The following DOCK7 variants were observed in gnomAD, a reference collection of about 807,000 sequenced individuals.
DOCK7 encodes dedicator of cytokinesis 7, also known as dedicator of cytokinesis protein 7.
DOCK7 carries 138 observed loss-of-function variants against 271.0 expected under a neutral mutation model. The observed-to-expected ratio is 0.51, with a 90% confidence interval of 0.44 to 0.59. DOCK7 has a LOEUF of 0.59. DOCK7 is among the 20% of genes least tolerant of loss of function. The probability of loss-of-function intolerance (pLI) is 0.00; values close to 1 mark genes in which losing one functional copy is unlikely to be tolerated. For missense variants in DOCK7, 2,066 were observed against 2,592.4 expected (o/e 0.80, Z 4.41); for synonymous variants, 823 against 876.1 (o/e 0.94, Z 1.07).
chr1:62,519,431 T>C (rs1049523977), intron 31 of DOCK7, among the ~76,000 whole-genome samples: 10 of 152,184 alleles, frequency 6.6e-5, no homozygotes, highest in African/African-American at 1.9e-4. Flanking sequence ...TCATTTAATT[T>C]GGCCAAAATC....
intron 11 of DOCK7, among the ~76,000 whole-genome samples, chr1:62,627,073 G>C (rs1654043139): frequency 6.6e-6 from 1 of 152,066 alleles, no homozygotes; most frequent in African/African-American, 2.4e-5. Flanking sequence ...AGGAATTTAA[G>C]GTTAATTTAA....
intron 14 of DOCK7, among the ~76,000 whole-genome samples, chr1:62,600,773 A>T (rs566430516): frequency 1.9e-4 from 29 of 151,976 alleles, no homozygotes; most frequent in African/African-American, 7.0e-4. Context: ...TTTTATTCAT[A>T]TAAATAAAAG....
intron 48 of DOCK7, among the ~76,000 whole-genome samples, chr1:62,460,154 C>T (rs55977685): frequency 0.08 from 11,477 of 142,910 alleles, 573 homozygotes; most frequent in Admixed American, 0.12. Context: ...AAGAACTATT[C>T]TTGAGGGGAG....
intron 48 of DOCK7, among the ~76,000 whole-genome samples, chr1:62,465,072 T>C (rs1352356019): frequency 6.6e-6 from 1 of 152,182 alleles, no homozygotes; most frequent in Non-Finnish European, 1.5e-5. Flanking sequence ...GATGTAAAGA[T>C]ACATTAAGTC....
intron 22 of DOCK7, among the ~76,000 whole-genome samples, chr1:62,549,660 T>C (rs1557700470): frequency 6.6e-6 from 1 of 152,206 alleles, no homozygotes; most frequent in South Asian, 2.1e-4. Context: ...AATCAAATTA[T>C]ATATACACTT....
At chr1:62,601,814 C>A (rs1650162076) in intron 14 of DOCK7, 1 of 1,610,054 alleles carries the variant, frequency 6.2e-7, no homozygotes, top group African/African-American at 1.3e-5. Flanking sequence ...GGTGAACATA[C>A]AAGTGGCATG....
chr1:62,581,183 G>A (rs992744360), intron 16 of DOCK7, among the ~76,000 whole-genome samples: 1 of 152,066 alleles, frequency 6.6e-6, no homozygotes, highest in Non-Finnish European at 1.5e-5. Flanking sequence ...TAACTTAGGA[G>A]GTAATATTTG....
rs892631582 is a variant in DOCK7, at chr1:62,495,658, G to A, written c.4947C>T (p.Leu1649=). The change falls in exon 39 of 50, where the codon CTC becomes CTT. Residue 1649 remains leucine (L), a synonymous_variant. Transcript: ENST00000635253. ...PDQVQDLVFN[L]HMILSDTVKM... is the part of the protein sequence containing the mutation. ...TCACAGTATCAGAAAGAATCATATG[G>A]AGATTGAAAACCAGATCCTGGACCT... 9.5e-6 allele frequency: 15 copies of A among 1,584,052 alleles called. No homozygotes were observed. Among genetic ancestry groups the A allele is most frequent in the Non-Finnish European group, 1.3e-5 (15 of 1,172,824 alleles).
At chr1:62,621,781 ATTC>A (rs1471372354) in intron 12 of DOCK7, among the ~76,000 whole-genome samples, 1 of 152,232 alleles carries the variant, frequency 6.6e-6, no homozygotes, top group African/African-American at 2.4e-5. Context: ...GAAAAAGTAT[ATTC>A]TTTTCTTGTG....
At chr1:62,553,372 T>A (rs1414090789) in intron 21 of DOCK7, among the ~76,000 whole-genome samples, 79 of 5,638 alleles carry the variant, frequency 0.014, no homozygotes, top group Middle Eastern at 0.12. Context: ...TTTTTTTTTT[T>A]TTTTTTTTTT....
intron 1 of DOCK7, 35 bp from the exon 2 acceptor site, chr1:62,663,165 G>T: frequency 2.0e-4 from 209 of 1,040,784 alleles, no homozygotes; most frequent in East Asian, 3.2e-4. Context: ...ACGCATTATT[G>T]AAAAAAAAAA....
chr1:62,661,890 G>A (rs1302236670), intron 2 of DOCK7, among the ~76,000 whole-genome samples: 1 of 152,128 alleles, frequency 6.6e-6, no homozygotes, highest in Non-Finnish European at 1.5e-5. Context: ...CTGGAAGAGA[G>A]GCGTTCAAGA....
chr1:62,475,908 A>G lies in DOCK7; in HGVS notation c.5760T>C (p.Phe1920=). ...YIQITYVEPY[F]DTYEMKDRIT... is the part of the protein sequence containing the mutation. ...TTCTGTCCTTCATCTCATATGTGTC[A>G]AAGTATGGCTCCACATAGGTAATCT... Residue 1920 remains phenylalanine (F), a synonymous_variant, in exon 46 of 50, where the codon TTT becomes TTC. Transcript: ENST00000635253. The G allele has an allele frequency of 6.2e-7, 1 of 1,614,026 alleles. No individual in the cohort carries two copies. The highest frequency in any genetic ancestry group is 8.5e-7 in the Non-Finnish European group (1 of 1,179,938).
intron 31 of DOCK7, among the ~76,000 whole-genome samples, chr1:62,524,793 G>C (rs552811961): frequency 1.3e-4 from 20 of 151,020 alleles, no homozygotes; most frequent in African/African-American, 4.6e-4. Context: ...AGCTACTCGG[G>C]AGACTGAGAC....
At chr1:62,586,687 C>T (rs1197763064) in intron 14 of DOCK7, 63 bp from the exon 15 acceptor site, 7 of 911,038 alleles carry the variant, frequency 7.7e-6, no homozygotes, top group Middle Eastern at 2.2e-4. Flanking sequence ...GTATCACTCA[C>T]AAAATACCAC....
chr1:62,604,266 T>G (rs774559028), intron 14 of DOCK7: 7 of 1,609,200 alleles, frequency 4.3e-6, no homozygotes, highest in Non-Finnish European at 6.0e-6. Context: ...TACTTTATTT[T>G]CATATCTTCA....
Position 62,578,963 on chromosome 1 carries a change from A to G in DOCK7, c.1875T>C (p.Ser625=), listed in dbSNP as rs750568784. 1 of 1,564,280 alleles carries G rather than the reference A, an allele frequency of 6.4e-7. No individual in the cohort carries two copies. Among genetic ancestry groups the G allele is most frequent in the East Asian group, 2.3e-5 (1 of 43,538 alleles). The change falls in exon 17 of 50, where the codon TCT becomes TCC. Residue 625 remains serine, a synonymous_variant. Coordinates refer to ENST00000635253, the MANE Select transcript of DOCK7 (RefSeq NM_001367561.1). The part of the protein sequence containing the change: ...AYTAVVYHNR[S]PDFHEEIKVK... ...CCTTGATTTCTTCATGAAAATCAGGAGACCTTCATACAAAAAAAAAAAAAA... is the reference window on the plus strand; with the variant it reads ...CCTTGATTTCTTCATGAAAATCAGGGGACCTTCATACAAAAAAAAAAAAAA...
In DOCK7 at chr1:62,688,173, T is replaced by G. The variant is rs1238891860; in HGVS notation, c.38+54A>C. On this transcript the variant is annotated intron_variant, in intron 1 of 49. Transcript: ENST00000635253. ...CCTCCTAGGCCAGGCCTGGGAGGAC[T>G]CCGCGGCTCTTTCTCGGGCGGCGGC... 4 of 1,338,990 alleles carry G rather than the reference T, an allele frequency of 3.0e-6. No homozygotes were observed. The South Asian group carries it at 7.2e-5, about 24-fold the overall frequency. The allele number at this position is 1,338,990 out of a possible 1,614,324, so 82.9% of individuals were successfully genotyped here.
In DOCK7 at chr1:62,507,998, G is replaced by T; in HGVS notation, c.4440C>A (p.Asn1480Lys). 1.2e-6 allele frequency: 2 copies of T among 1,612,908 alleles called. No individual in the cohort carries two copies. Among genetic ancestry groups the T allele is most frequent in the Admixed American group, 1.7e-5 (1 of 59,820 alleles). ...LIDGNLATEANLIILDTLEIV... is the reference protein window; with the variant it reads ...LIDGNLATEAKLIILDTLEIV... ...TCTCTAATGTATCTAAAATGATTAG[G>T]TTTGCTTCTGTAGCCAGGTTTCCAT... Residue 1480 changes from asparagine to lysine, a missense_variant, in exon 35 of 50, where the codon AAC becomes AAA. By Grantham distance (94) the Asn-to-Lys change is moderately conservative. This residue lies in a region of DOCK7 where 652 missense variants were observed against 922.1 expected (regional missense o/e 0.71). Transcript: ENST00000635253.
Sources: gnomAD v4.1 joint callset for allele counts (sites outside exome capture counted in the v4.1 genomes callset) on GRCh38, gnomAD v4.1.1 for gene constraint, gnomAD v4.1.1 regional missense constraint, MANE v1.5 for transcripts, NCBI Gene and HGNC (gene_info 2026-07-23, HGNC 2026-07-21) for gene names.